The following CACNA2D2 variants were observed in gnomAD, a reference collection of about 807,000 sequenced individuals.
CACNA2D2 encodes the protein calcium voltage-gated channel auxiliary subunit alpha2delta 2, also known as voltage-dependent calcium channel subunit alpha-2/delta-2.
CACNA2D2 carries 48 observed loss-of-function variants against 166.4 expected under a neutral mutation model. That is an observed-to-expected ratio of 0.29 (90% CI 0.23 to 0.37). The LOEUF is 0.37. CACNA2D2 is among the 10% of genes least tolerant of loss of function. The pLI is 1.00. For missense variants in CACNA2D2, 1,122 were observed against 1,433.0 expected, an observed-to-expected ratio of 0.78 and a Z score of 3.50; for synonymous variants, 561 against 573.7, an observed-to-expected ratio of 0.98 and a Z score of 0.32.
At chr3:50,387,208 G>C (rs868589644) in intron 5 of CACNA2D2, among the ~76,000 whole-genome samples, 1 of 152,282 alleles carries the variant, frequency 6.6e-6, no homozygotes, top group Middle Eastern at 3.4e-3. Flanking sequence ...GGACGTTCCT[G>C]CATCCTGCTC....
intron 1 of CACNA2D2, among the ~76,000 whole-genome samples, chr3:50,482,650 C>T (rs1277232565): frequency 6.6e-6 from 1 of 152,182 alleles, no homozygotes; most frequent in African/African-American, 2.4e-5. Flanking sequence ...CCTCCTCAAG[C>T]CTGCAGCTCC....
intron 3 of CACNA2D2, among the ~76,000 whole-genome samples, chr3:50,421,521 G>A (rs1277466606): frequency 1.3e-5 from 2 of 152,058 alleles, no homozygotes; most frequent in Non-Finnish European, 2.9e-5. Flanking sequence ...GCTGGGCCTG[G>A]GGACAGGGTC....
intron 3 of CACNA2D2, among the ~76,000 whole-genome samples, chr3:50,398,664 C>T (rs1056327724): frequency 6.6e-6 from 1 of 152,120 alleles, no homozygotes; most frequent in Admixed American, 6.5e-5. Context: ...CATGGCGATG[C>T]GGCTATGAAG....
At chr3:50,450,425 C>T (rs906511270) in intron 2 of CACNA2D2, among the ~76,000 whole-genome samples, 7 of 151,542 alleles carry the variant, frequency 4.6e-5, no homozygotes, top group Non-Finnish European at 8.8e-5. Context: ...CAGAACTGCT[C>T]GGACGTGAAA....
intron 2 of CACNA2D2, among the ~76,000 whole-genome samples, chr3:50,444,424 T>A (rs1434260789): frequency 6.6e-6 from 1 of 152,230 alleles, no homozygotes; most frequent in Non-Finnish European, 1.5e-5. Context: ...GCTCGAGCCT[T>A]CACCCTCACA....
chr3:50,491,697 C>T (rs1389008934), intron 1 of CACNA2D2, among the ~76,000 whole-genome samples: 2 of 152,210 alleles, frequency 1.3e-5, no homozygotes, highest in Non-Finnish European at 2.9e-5. Flanking sequence ...GAAAGAGACC[C>T]GGATCAGGGG....
Position 50,380,724 on chromosome 3 carries a change from C to T in CACNA2D2, c.842+24G>A. ...GTGGGGAACTGAGGGGGTGTCCCTC[C>T]CCAGCCCCTTCTTGCTCGCTCACCA... On this transcript the variant is annotated intron_variant, in intron 8 of 37. Transcript: ENST00000424201. The surrounding 1 kb of genome is among the most constrained non-coding windows in gnomAD (Gnocchi z 4.9). 1.3e-6 allele frequency: 2 copies of T among 1,498,286 alleles called. No homozygotes were observed. The highest frequency in any genetic ancestry group is 1.8e-6 in the Non-Finnish European group (2 of 1,122,232). 92.8% of individuals were successfully genotyped at this position (1,498,286 alleles called of 1,614,324 possible).
At chr3:50,472,058 C>A (rs1307585942) in intron 2 of CACNA2D2, among the ~76,000 whole-genome samples, 1 of 152,218 alleles carries the variant, frequency 6.6e-6, no homozygotes, top group Non-Finnish European at 1.5e-5. Context: ...GGGTCCCATT[C>A]TCTGTGAATG....
At chr3:50,387,923 C>G (rs1705694028) in intron 4 of CACNA2D2, among the ~76,000 whole-genome samples, 1 of 152,216 alleles carries the variant, frequency 6.6e-6, no homozygotes, top group Non-Finnish European at 1.5e-5. Flanking sequence ...TGCAGAGAGG[C>G]TGGCTGAGGC....
At chr3:50,464,050 C>T (rs1709709129) in intron 2 of CACNA2D2, among the ~76,000 whole-genome samples, 1 of 152,210 alleles carries the variant, frequency 6.6e-6, no homozygotes, top group Non-Finnish European at 1.5e-5. Flanking sequence ...GACAGCAGGC[C>T]AGGTGAGTAC....
At chr3:50,443,611 C>T (rs780087195) in intron 2 of CACNA2D2, among the ~76,000 whole-genome samples, 1 of 152,200 alleles carries the variant, frequency 6.6e-6, no homozygotes, top group Non-Finnish European at 1.5e-5. Flanking sequence ...GCAGCCCTGG[C>T]CCAGCTTGGC....
upstream of CACNA2D2, chr3:50,503,995 G>A (rs2107208892): frequency 6.6e-6 from 1 of 152,388 alleles, no homozygotes; most frequent in East Asian, 1.9e-4. Flanking sequence ...ACAGGCTTAA[G>A]GCCTAGAGTC....
chr3:50,420,536 G>A (rs1707499837), intron 3 of CACNA2D2, among the ~76,000 whole-genome samples: 1 of 152,230 alleles, frequency 6.6e-6, no homozygotes, highest in African/African-American at 2.4e-5. Context: ...ATGACCCACT[G>A]CGGGGCTGTA....
At chr3:50,382,317 A>T (rs1705364096) in intron 6 of CACNA2D2, among the ~76,000 whole-genome samples, 1 of 152,110 alleles carries the variant, frequency 6.6e-6, no homozygotes, top group Non-Finnish European at 1.5e-5. Flanking sequence ...AGGGATCCCC[A>T]TCAAAAATCT....
rs1704251766 is a variant in CACNA2D2, at chr3:50,366,001, G to A, written c.2862+10C>T. The A allele has an allele frequency of 1.2e-6, 2 of 1,611,686 alleles. No homozygotes were observed. The highest frequency in any genetic ancestry group is 2.7e-5 in the African/African-American group (2 of 75,018). On this transcript the variant is annotated intron_variant, in intron 32 of 37. Transcript: ENST00000424201. This position sits in a 1 kb window ranked among gnomAD's most constrained non-coding sequence, Gnocchi z 5.9. ...CCCCATCTCCAGTCCAGGCATCTCT[G>A]GGGACTCACCACAAAGACACCCCGG... is the stretch of plus-strand genomic sequence containing the variant.
chr3:50,383,979 T>G (rs1462416738), intron 6 of CACNA2D2, among the ~76,000 whole-genome samples: 2 of 152,202 alleles, frequency 1.3e-5, no homozygotes, highest in Non-Finnish European at 2.9e-5. Context: ...GGCTCAGTGT[T>G]TTGCAACTTG....
At chr3:50,449,257 G>A (rs529088651) in intron 2 of CACNA2D2, among the ~76,000 whole-genome samples, 22 of 152,304 alleles carry the variant, frequency 1.4e-4, no homozygotes, top group African/African-American at 5.3e-4. Flanking sequence ...TCCAACCCTG[G>A]ACCTAGGACC....
chr3:50,471,466 C>G (rs1463752359), intron 2 of CACNA2D2, among the ~76,000 whole-genome samples: 1 of 152,172 alleles, frequency 6.6e-6, no homozygotes, highest in African/African-American at 2.4e-5. Flanking sequence ...CTCTTCTGCT[C>G]CAGCCCCTCT....
At position 50,375,902 on chromosome 3, in the gene CACNA2D2, G is replaced by A; in HGVS notation, c.1774-22C>T. The stretch of plus-strand genomic sequence containing the variant: ...GGATCTGGAAGGGCCAGAGATGTGA[G>A]GGGCAGGGCCCCTACACTCCTCTGC... On this transcript the variant is annotated intron_variant, in intron 19 of 37. Transcript: ENST00000424201. This position sits in a 1 kb window ranked among gnomAD's most constrained non-coding sequence, Gnocchi z 4.0. The A allele has an allele frequency of 1.2e-6, 2 of 1,612,946 alleles. No homozygotes were observed. Among genetic ancestry groups the A allele is most frequent in the Non-Finnish European group, 1.7e-6 (2 of 1,179,942 alleles).
Sources: allele counts gnomAD v4.1 joint callset (sites outside exome capture counted in the v4.1 genomes callset), GRCh38; gene constraint gnomAD v4.1.1; non-coding constraint Gnocchi (gnomAD v3.1); transcripts MANE v1.5; gene names NCBI Gene and HGNC (gene_info 2026-07-23, HGNC 2026-07-21).